SYNE3: variants seen among roughly 807,000 people sequenced by gnomAD.
The protein encoded by SYNE3 is nesprin-3.
Under a neutral mutation model 111.2 loss-of-function variants are expected in SYNE3, and 100 were observed. The ratio of observed to expected loss-of-function variants is 0.90; its 90% CI spans 0.77 to 1.06. SYNE3 has a LOEUF of 1.06. Among genes scored for constraint, SYNE3 ranks in the 50% least tolerant of loss-of-function variants. SYNE3 has a pLI of 0.00. For missense variants in SYNE3, 1,160 were observed against 1,240.3 expected (o/e 0.94, Z 0.97); for synonymous variants, 547 against 533.9 (o/e 1.02, Z -0.34).
chr14:95,452,415 T>A (rs1376945734), intron 6 of SYNE3, 32 bp from the exon 7 acceptor site: 1 of 1,578,566 alleles, frequency 6.3e-7, no homozygotes, highest in Admixed American at 1.7e-5. Flanking sequence ...CAGCGGGAGG[T>A]GAGGCTCCTC....
chr14:95,438,831 G>A, intron 14 of SYNE3: 1 of 649,716 alleles, frequency 1.5e-6, no homozygotes, highest in Non-Finnish European at 2.5e-6. Context: ...TGCAGACTCT[G>A]GGATCTCTGA....
At chr14:95,425,284 G>A (rs997690691) in intron 17 of SYNE3, among the ~76,000 whole-genome samples, 2 of 152,054 alleles carry the variant, frequency 1.3e-5, no homozygotes, top group South Asian at 4.2e-4. Flanking sequence ...GAAATGAGCT[G>A]TCAAGCCACA....
intron 17 of SYNE3, among the ~76,000 whole-genome samples, chr14:95,421,115 C>A (rs956350953): frequency 2.0e-5 from 3 of 152,144 alleles, no homozygotes; most frequent in Non-Finnish European, 4.4e-5. Context: ...GCCTCCCCAG[C>A]CACGTGGAAC....
intron 17 of SYNE3, 131 bp downstream of exon 17, chr14:95,431,948 C>T: frequency 9.7e-7 from 1 of 1,034,386 alleles, no homozygotes; most frequent in South Asian, 1.6e-5. Flanking sequence ...AGAGTTGATC[C>T]CCCATAAATG....
intron 17 of SYNE3, among the ~76,000 whole-genome samples, chr14:95,430,415 A>G (rs1885691769): frequency 6.6e-6 from 1 of 151,954 alleles, no homozygotes; most frequent in South Asian, 2.1e-4. Context: ...TGTTATTCTA[A>G]ACTGGGGGGT....
At chr14:95,423,486 C>T (rs538064609) in intron 17 of SYNE3, among the ~76,000 whole-genome samples, 23 of 149,440 alleles carry the variant, frequency 1.5e-4, no homozygotes, top group African/African-American at 3.0e-4. Context: ...GATAGGGGCA[C>T]GGGGATTTGA....
chr14:95,505,265 G>A (rs565040145), intron 1 of SYNE3, among the ~76,000 whole-genome samples: 2 of 152,384 alleles, frequency 1.3e-5, no homozygotes, highest in Admixed American at 6.5e-5. Flanking sequence ...TGACCCTATG[G>A]TCTGGGGAAG....
At chr14:95,468,050 A>G in intron 2 of SYNE3, 83 bp from the exon 3 acceptor site, 1 of 1,480,118 alleles carries the variant, frequency 6.8e-7, no homozygotes, top group East Asian at 2.3e-5. Flanking sequence ...CATGGTGCAA[A>G]GAGCCAGGAC....
In SYNE3 at chr14:95,407,524, A is replaced by G. The variant is rs1013909768; in HGVS notation, c.*10302T>C. Reference sequence around the variant, plus strand: ...CTTGATATGAACCGAGATAACACACACATGTTCCGAGACAGTCGTTTGGCT... The same window carrying G: ...CTTGATATGAACCGAGATAACACACGCATGTTCCGAGACAGTCGTTTGGCT... On this transcript the variant is annotated 3_prime_UTR_variant, in exon 18 of 18. Coordinates refer to ENST00000682763, the MANE Select transcript of SYNE3 (RefSeq NM_152592.6). The G allele has an allele frequency of 6.6e-6, 1 of 152,168 alleles. No homozygotes were observed. Among genetic ancestry groups the G allele is most frequent in the Non-Finnish European group, 1.5e-5 (1 of 68,032 alleles). The allele number at this position is 152,168 out of a possible 1,614,324, so 9.4% of individuals were successfully genotyped here.
intron 1 of SYNE3, among the ~76,000 whole-genome samples, chr14:95,481,684 G>C (rs77296354): frequency 6.6e-6 from 1 of 152,226 alleles, no homozygotes; most frequent in African/African-American, 2.4e-5. Context: ...CTGTGACCCA[G>C]GGCAGAGCAG....
intron 3 of SYNE3, among the ~76,000 whole-genome samples, chr14:95,466,674 C>T (rs8011775): frequency 0.7 from 105,633 of 151,848 alleles, 36,985 homozygotes; most frequent in African/African-American, 0.76. Flanking sequence ...ACACGCACAC[C>T]CACTAATTTT....
At chr14:95,507,054 C>T (rs986263381) in intron 1 of SYNE3, among the ~76,000 whole-genome samples, 5 of 152,210 alleles carry the variant, frequency 3.3e-5, no homozygotes, top group African/African-American at 9.7e-5. Flanking sequence ...ACACATCCAG[C>T]GAGGCGAGGA....
intron 17 of SYNE3, among the ~76,000 whole-genome samples, chr14:95,420,150 A>T (rs1376058850): frequency 6.8e-6 from 1 of 148,124 alleles, no homozygotes; most frequent in Non-Finnish European, 1.5e-5. Context: ...ATAACCATGA[A>T]TAAGTACTCT....
intron 10 of SYNE3, 116 bp downstream of exon 10, chr14:95,444,369 T>C (rs1886581298): frequency 7.1e-7 from 1 of 1,411,808 alleles, no homozygotes; most frequent in South Asian, 1.5e-5. Flanking sequence ...ACTAAGGGTC[T>C]AAATTTCTGG....
intron 6 of SYNE3, among the ~76,000 whole-genome samples, chr14:95,452,590 G>A (rs1887162937): frequency 2.0e-5 from 3 of 152,202 alleles, no homozygotes; most frequent in Admixed American, 6.5e-5. Context: ...TTTACTGTCT[G>A]GTGCTGGGCT....
chr14:95,505,558 T>G (rs1172850028), intron 1 of SYNE3, among the ~76,000 whole-genome samples: 1 of 152,262 alleles, frequency 6.6e-6, no homozygotes, highest in Non-Finnish European at 1.5e-5. Context: ...ATTTTGACTA[T>G]ATCTGCCATG....
At chr14:95,471,021 C>T (rs1405934639) in intron 2 of SYNE3, among the ~76,000 whole-genome samples, 1 of 152,022 alleles carries the variant, frequency 6.6e-6, no homozygotes. Flanking sequence ...TTTCTGATTC[C>T]CAGAAATGTG....
rs1888479812 is a variant in SYNE3, at chr14:95,470,769, C to A, written c.145-2802G>T. Reference sequence around the variant, plus strand: ...GGTCAGGAGTTTGAGGCCATCCTGGCCAACATGGTGAAACACCGTCTCTAC... The same window carrying A: ...GGTCAGGAGTTTGAGGCCATCCTGGACAACATGGTGAAACACCGTCTCTAC... On this transcript the variant is annotated intron_variant, in intron 2 of 17. Transcript: ENST00000682763. This position sits in a 1 kb window ranked among gnomAD's most constrained non-coding sequence, Gnocchi z 4.2. Among the ~76,000 whole-genome samples the A allele has an allele frequency of 6.6e-6, 1 of 152,124 alleles. No individual in the cohort carries two copies. The highest frequency in any genetic ancestry group is 2.4e-5 in the African/African-American group (1 of 41,426).
At chr14:95,476,697 C>A (rs1410635934) in intron 1 of SYNE3, among the ~76,000 whole-genome samples, 1 of 152,240 alleles carries the variant, frequency 6.6e-6, no homozygotes, top group Non-Finnish European at 1.5e-5. Flanking sequence ...CTGCTTTGAA[C>A]TAAAGTTATT....
Sources: gnomAD v4.1 joint callset for allele counts (sites outside exome capture counted in the v4.1 genomes callset) on GRCh38, gnomAD v4.1.1 for gene constraint, Gnocchi (gnomAD v3.1) non-coding constraint, MANE v1.5 for transcripts, NCBI Gene and HGNC (gene_info 2026-07-23, HGNC 2026-07-21) for gene names.